Variants in PARP8 observed in about 807,000 individuals in gnomAD.
PARP8 encodes protein mono-ADP-ribosyltransferase PARP8.
In PARP8, 51 loss-of-function variants were observed where a neutral mutation model predicts 124.1. The ratio of observed to expected loss-of-function variants is 0.41; its 90% confidence interval spans 0.33 to 0.52. PARP8 has a LOEUF of 0.52. Ranked by LOEUF, PARP8 falls within the 20% of genes least tolerant of loss-of-function variation. PARP8 has a pLI of 0.21. For synonymous variants in PARP8, 391 were observed against 361.5 expected, an observed-to-expected ratio of 1.08 and a Z score of -0.93; for missense variants, 860 against 1,018.9, an observed-to-expected ratio of 0.84 and a Z score of 2.12.
chr5:50,777,760 C>G (rs1470237135), intron 7 of PARP8, among the ~76,000 whole-genome samples: 1 of 152,156 alleles, frequency 6.6e-6, no homozygotes. Flanking sequence ...GAAAACAAAG[C>G]AGTCATATGG....
intron 14 of PARP8, among the ~76,000 whole-genome samples, chr5:50,807,311 C>A (rs1367275845): frequency 6.6e-6 from 1 of 152,060 alleles, no homozygotes; most frequent in African/African-American, 2.4e-5. Context: ...TTATAAATGT[C>A]ACTCTCAGAT....
chr5:50,703,285 G>A (rs1282817772), intron 2 of PARP8, among the ~76,000 whole-genome samples: 1 of 145,666 alleles, frequency 6.9e-6, no homozygotes, highest in African/African-American at 2.6e-5. Flanking sequence ...GGGTGACGGA[G>A]TGAGACCGTG....
At chr5:50,740,650 A>C (rs1757948328) in intron 2 of PARP8, among the ~76,000 whole-genome samples, 2 of 152,146 alleles carry the variant, frequency 1.3e-5, no homozygotes, top group South Asian at 4.2e-4. Context: ...TCTCTACACT[A>C]AATTTTTTCA....
chr5:50,678,481 C>A (rs548185671), intron 2 of PARP8, among the ~76,000 whole-genome samples: 76 of 152,100 alleles, frequency 5.0e-4, no homozygotes, highest in Non-Finnish European at 9.7e-4. Flanking sequence ...TTCATACTGT[C>A]TCTCTGTGAT....
intron 24 of PARP8, 118 bp downstream of exon 24, chr5:50,834,166 T>A (rs1747307317): frequency 2.4e-6 from 2 of 843,674 alleles, no homozygotes; most frequent in African/African-American, 3.5e-5. Context: ...TTCCTTATGA[T>A]CATCTCAAAG....
At chr5:50,814,299 GAGA>G (rs1474198243) in intron 14 of PARP8, among the ~76,000 whole-genome samples, 1 of 152,032 alleles carries the variant, frequency 6.6e-6, no homozygotes, top group Non-Finnish European at 1.5e-5. Flanking sequence ...AAAAAAATTG[GAGA>G]AGATTAAAAG....
intron 2 of PARP8, among the ~76,000 whole-genome samples, chr5:50,679,357 T>C (rs537638533): frequency 7.9e-5 from 12 of 152,218 alleles, no homozygotes; most frequent in Non-Finnish European, 1.6e-4. Flanking sequence ...TCTTCACCTG[T>C]GTCTTTAAAA....
rs1401966791 is a variant in PARP8 at position 50,843,547 on chromosome 5, A to C, written c.*1479A>C. ...TTATATTGCAAATAATTGATATGCCACTTATTTCTGCAAGAAAAATAGGCT... is the reference window on the plus strand; with the variant it reads ...TTATATTGCAAATAATTGATATGCCCCTTATTTCTGCAAGAAAAATAGGCT... On this transcript the variant is annotated 3_prime_UTR_variant, in exon 26 of 26. Transcript: ENST00000281631. The C allele has an allele frequency of 6.6e-6, 1 of 151,782 alleles. No homozygotes were observed. Among genetic ancestry groups the C allele is most frequent in the Non-Finnish European group, 1.5e-5 (1 of 67,818 alleles). The allele number at this position is 151,782 out of a possible 1,614,324, so 9.4% of individuals were successfully genotyped here. A position where few individuals can be genotyped will look rare whatever the true frequency, so the allele number is the denominator to read the frequency against.
rs766241895 is a variant in PARP8, at chr5:50,794,290, A to G, written c.821A>G (p.Lys274Arg). ...NCLHNKKLSEKKVKSPLHLFS... is the reference protein window; with the variant it reads ...NCLHNKKLSERKVKSPLHLFS... Reference sequence around the variant, plus strand: ...CTGCACAATAAAAAGTTGTCAGAGAAGAAAGTGAAGTCTCCCCTGCATTTA... The same window carrying G: ...CTGCACAATAAAAAGTTGTCAGAGAGGAAAGTGAAGTCTCCCCTGCATTTA... Residue 274 changes from lysine (K) to arginine (R), a missense_variant, in exon 11 of 26, where the codon AAG becomes AGG. Transcript: ENST00000281631. 2 of 1,613,532 alleles carry G rather than the reference A, an allele frequency of 1.2e-6. No individual in the cohort carries two copies. Among genetic ancestry groups the G allele is most frequent in the South Asian group, 1.1e-5 (1 of 91,050 alleles).
intron 14 of PARP8, among the ~76,000 whole-genome samples, chr5:50,812,989 T>G (rs1357965964): frequency 6.6e-6 from 1 of 152,212 alleles, no homozygotes; most frequent in Non-Finnish European, 1.5e-5. Context: ...CTGTTTTGGT[T>G]ACTGTAGCCT....
chr5:50,707,627 CAGAGAG>C (rs34400961), intron 2 of PARP8, among the ~76,000 whole-genome samples: 78,000 of 145,194 alleles, frequency 0.54, 21,068 homozygotes, highest in Middle Eastern at 0.66. Context: ...ATAGGGGAGA[CAGAGAG>C]AGAGAGAGAG....
intron 9 of PARP8, among the ~76,000 whole-genome samples, chr5:50,785,936 C>T (rs141643311): frequency 4.6e-5 from 7 of 152,250 alleles, no homozygotes; most frequent in African/African-American, 7.2e-5. Context: ...AGTCTCTGTT[C>T]GCTTTCACCT....
chr5:50,834,678 G>T (rs1747364088), intron 24 of PARP8, among the ~76,000 whole-genome samples: 1 of 152,082 alleles, frequency 6.6e-6, no homozygotes, highest in African/African-American at 2.4e-5. Flanking sequence ...GGACCTATCT[G>T]CTTTTGGTAA....
intron 2 of PARP8, among the ~76,000 whole-genome samples, chr5:50,684,718 G>A (rs531532600): frequency 2.4e-4 from 37 of 152,192 alleles, no homozygotes; most frequent in Non-Finnish European, 4.6e-4. Flanking sequence ...ATATTTATAC[G>A]TGGACTTTAA....
intron 2 of PARP8, among the ~76,000 whole-genome samples, chr5:50,699,918 A>G (rs1210430300): frequency 1.3e-5 from 2 of 152,210 alleles, no homozygotes; most frequent in Non-Finnish European, 2.9e-5. Flanking sequence ...ACAGGATAAC[A>G]TCATCACCCA....
intron 25 of PARP8, among the ~76,000 whole-genome samples, chr5:50,840,607 G>A (rs897201814): frequency 3.3e-5 from 5 of 151,842 alleles, no homozygotes; most frequent in African/African-American, 9.7e-5. Flanking sequence ...CTTTAGGAAT[G>A]AGCATGTGGG....
chr5:50,724,562 A>T (rs1756224486), intron 2 of PARP8, among the ~76,000 whole-genome samples: 1 of 152,142 alleles, frequency 6.6e-6, no homozygotes, highest in Non-Finnish European at 1.5e-5. Flanking sequence ...GTGAAATGTA[A>T]GATAATTCTT....
At chr5:50,701,775 A>T (rs1203111566) in intron 2 of PARP8, among the ~76,000 whole-genome samples, 1 of 152,144 alleles carries the variant, frequency 6.6e-6, no homozygotes, top group African/African-American at 2.4e-5. Flanking sequence ...GGGGCTTCAG[A>T]TAGGGTACCT....
At position 50,751,372 on chromosome 5, in the gene PARP8, T is replaced by C. The variant is rs114339889; in HGVS notation, c.184+1184T>C. Among the ~76,000 whole-genome samples the C allele has an allele frequency of 4.9e-3, 739 of 152,276 alleles. 2 individuals carry two copies. The highest frequency in any genetic ancestry group is 7.8e-3 in the Non-Finnish European group (530 of 67,984). ...TGCTCTTTTTACTGAATTCTCTAAC[T>C]GGAGCAAGTTTGCAATGAATTTTCA... is the stretch of plus-strand genomic sequence containing the variant. On this transcript the variant is annotated intron_variant, in intron 3 of 25. Transcript: ENST00000281631.
Sources: gnomAD v4.1 joint callset for allele counts (sites outside exome capture counted in the v4.1 genomes callset) on GRCh38, gnomAD v4.1.1 for gene constraint, MANE v1.5 for transcripts, NCBI Gene and HGNC (gene_info 2026-07-23, HGNC 2026-07-21) for gene names.